The following PRKCH variants were observed in gnomAD, a reference collection of about 807,000 sequenced individuals.
The protein encoded by PRKCH is protein kinase C eta type.
A neutral mutation model predicts 82.5 loss-of-function variants in PRKCH; 28 were observed. The observed-to-expected ratio is 0.34, with a 90% CI of 0.25 to 0.47. The LOEUF (loss-of-function observed/expected upper bound fraction) is 0.47, where lower values mean the gene tolerates loss of function less well. Among genes scored for constraint, PRKCH ranks in the 20% least tolerant of loss-of-function variants. The probability of loss-of-function intolerance (pLI) is 1.00; values close to 1 mark genes in which losing one functional copy is unlikely to be tolerated. For missense variants in PRKCH, 705 were observed against 881.8 expected (o/e 0.80, Z 2.54); for synonymous variants, 322 against 327.4 (o/e 0.98, Z 0.18).
At chr14:61,467,480 G>GA (rs1885311916) in intron 9 of PRKCH, among the ~76,000 whole-genome samples, 1 of 152,214 alleles carries the variant, frequency 6.6e-6, no homozygotes, top group African/African-American at 2.4e-5. Context: ...CCAGCCGCTG[G>GA]ATGTGGGGAG....
intron 9 of PRKCH, among the ~76,000 whole-genome samples, chr14:61,469,556 CGGCTGCCAAGG>C: frequency 6.6e-6 from 1 of 152,330 alleles, no homozygotes; most frequent in East Asian, 1.9e-4. Flanking sequence ...GGACCTGAAG[CGGCTGCCAAGG>C]GGCTGCCACC....
intron 1 of PRKCH, among the ~76,000 whole-genome samples, chr14:61,246,212 C>G (rs1299544932): frequency 1.3e-5 from 2 of 151,004 alleles, no homozygotes; most frequent in Non-Finnish European, 2.9e-5. Flanking sequence ...TCAACACCAG[C>G]CTGACCAACA....
intron 1 of PRKCH, among the ~76,000 whole-genome samples, chr14:61,243,397 AAAAAAG>A (rs2044856825): frequency 6.6e-6 from 1 of 151,596 alleles, no homozygotes; most frequent in Admixed American, 6.6e-5. Context: ...AAAAAAAAAA[AAAAAAG>A]AAAAAGAAAA....
chr14:61,189,604 C>A (rs964996009), intron 1 of PRKCH, among the ~76,000 whole-genome samples: 1 of 151,956 alleles, frequency 6.6e-6, no homozygotes, highest in Non-Finnish European at 1.5e-5. Context: ...CTCCCTCCTT[C>A]CCTTCCCTTC....
intron 1 of PRKCH, chr14:61,353,962 A>T (rs1230582182): frequency 1.3e-5 from 2 of 152,098 alleles, no homozygotes; most frequent in East Asian, 3.9e-4. Flanking sequence ...AAGAAGAATC[A>T]CATGGATGAA....
intron 1 of PRKCH, among the ~76,000 whole-genome samples, chr14:61,302,067 T>A (rs1356140144): frequency 6.6e-6 from 1 of 152,208 alleles, no homozygotes; most frequent in East Asian, 1.9e-4. Context: ...CTATTCAGAT[T>A]TTCTGTTTCT....
intron 1 of PRKCH, among the ~76,000 whole-genome samples, chr14:61,262,231 A>AAAAAAAAAAAAAAC: frequency 6.6e-6 from 1 of 151,578 alleles, no homozygotes; most frequent in African/African-American, 2.4e-5. Flanking sequence ...AAAAAAAAAA[A>AAAAAAAAAAAAAAC]AGAATATTCA....
At chr14:61,193,098 T>C (rs1267270303) in intron 1 of PRKCH, among the ~76,000 whole-genome samples, 13 of 152,166 alleles carry the variant, frequency 8.5e-5, no homozygotes, top group Admixed American at 8.5e-4. Context: ...AAAGATGGTG[T>C]CAGATGGCAG....
chr14:61,462,009 C>A (rs1885050219), intron 9 of PRKCH, among the ~76,000 whole-genome samples: 2 of 152,106 alleles, frequency 1.3e-5, no homozygotes, highest in African/African-American at 4.8e-5. Context: ...ACTGCCATTG[C>A]GGTTTAAGAT....
At chr14:61,365,080 C>T (rs1049877917) in intron 1 of PRKCH, among the ~76,000 whole-genome samples, 3 of 151,956 alleles carry the variant, frequency 2.0e-5, no homozygotes, top group African/African-American at 4.8e-5. Context: ...AGAGGATAGC[C>T]CACAGGGAAA....
chr14:61,340,083 G>A (rs1394564262), intron 1 of PRKCH, among the ~76,000 whole-genome samples: 1 of 144,052 alleles, frequency 6.9e-6, no homozygotes. Flanking sequence ...GGGGCACAGT[G>A]TTTTCCTTTC....
intron 2 of PRKCH, among the ~76,000 whole-genome samples, chr14:61,407,687 A>G (rs1882030019): frequency 6.6e-6 from 1 of 152,022 alleles, no homozygotes; most frequent in Admixed American, 6.5e-5. Context: ...TAATTCCTAC[A>G]TTCTTGGTCT....
intron 1 of PRKCH, among the ~76,000 whole-genome samples, chr14:61,214,353 T>C (rs1391638096): frequency 2.0e-5 from 3 of 152,046 alleles, no homozygotes; most frequent in Admixed American, 2.0e-4. Flanking sequence ...AGTTTGGAAA[T>C]TGCTGGATCA....
At chr14:61,450,219 T>C (rs1342058932) in intron 5 of PRKCH, among the ~76,000 whole-genome samples, 1 of 152,206 alleles carries the variant, frequency 6.6e-6, no homozygotes, top group Non-Finnish European at 1.5e-5. Flanking sequence ...TCTGTTGTTA[T>C]AGCATCAAAT....
At chr14:61,306,825 C>A (rs1349796147) in intron 1 of PRKCH, 1 of 152,090 alleles carries the variant, frequency 6.6e-6, no homozygotes, top group African/African-American at 2.4e-5. Context: ...ACTTCAATAA[C>A]CATTAGTTTG....
Position 61,494,120 on chromosome 14 carries a change from GAAGCTCAGTA to G in PRKCH, c.1433+8468_1433+8477del, listed in dbSNP as rs1886564816. Among the ~76,000 whole-genome samples the G allele has an allele frequency of 1.3e-5, 2 of 152,146 alleles. 1 individual carries two copies. Among genetic ancestry groups the G allele is most frequent in the Non-Finnish European group, 2.9e-5 (2 of 68,026 alleles). On this transcript the variant is annotated intron_variant, in intron 10 of 13. Coordinates refer to ENST00000332981, the MANE Select transcript of PRKCH (RefSeq NM_006255.5). ...TCCATGGATAGGGGCATAGGAGTCT[GAAGCTCAGTA>G]AAGAGGATGGGCTGAATTAAATATT... is the stretch of plus-strand genomic sequence containing the variant.
In PRKCH at chr14:61,191,175, G is replaced by A. The variant is rs1029360190; in HGVS notation, c.-19+3507G>A. 2.0e-5 allele frequency among the ~76,000 whole-genome samples: 3 copies of A among 152,282 alleles called. No individual in the cohort carries two copies. In the South Asian group the frequency reaches 6.2e-4, roughly 32 times the overall value. ...ATCTGACTTCTCTCAGCCTGAAGAA[G>A]GTGGAAAAATTTTCTCCAAGCAGCT... On this transcript the variant is annotated intron_variant, in intron 1 of 3. Transcript: ENST00000555185.
intron 10 of PRKCH, among the ~76,000 whole-genome samples, chr14:61,515,450 CAACTT>C (rs754911143): frequency 3.3e-5 from 5 of 152,198 alleles, no homozygotes; most frequent in Non-Finnish European, 7.3e-5. Context: ...GAATGAACCT[CAACTT>C]AAACCAGCTT....
At chr14:61,445,557 G>A (rs1884180519) in intron 3 of PRKCH, 135 bp from the exon 4 acceptor site, 1 of 798,076 alleles carries the variant, frequency 1.3e-6, no homozygotes, top group African/African-American at 1.7e-5. Flanking sequence ...GGCTCAGAAA[G>A]CACATGATCT....
Sources: gnomAD v4.1 joint callset for allele counts (sites outside exome capture counted in the v4.1 genomes callset) on GRCh38, gnomAD v4.1.1 for gene constraint, MANE v1.5 for transcripts, NCBI Gene and HGNC (gene_info 2026-07-23, HGNC 2026-07-21) for gene names.